The following FYB1 variants were observed in gnomAD, a reference collection of about 807,000 sequenced individuals.
The protein encoded by FYB1 is FYN-binding protein 1.
A neutral mutation model predicts 94.1 loss-of-function variants in FYB1; 41 were observed. The observed-to-expected ratio is 0.44, with a 90% CI of 0.34 to 0.57. The LOEUF is 0.57. Among genes scored for constraint, FYB1 ranks in the 20% least tolerant of loss-of-function variants. The pLI is 0.02. For missense variants in FYB1, 1,050 were observed against 976.8 expected (o/e 1.07, Z -1.00); for synonymous variants, 367 against 353.2 (o/e 1.04, Z -0.44).
chr5:39,211,421 C>T (rs1020808088), intron 1 of FYB1, among the ~76,000 whole-genome samples: 2 of 151,704 alleles, frequency 1.3e-5, no homozygotes, highest in Admixed American at 6.6e-5. Flanking sequence ...CCCAGGTTCA[C>T]GCCATTCTCC....
chr5:39,256,080 G>GT (rs1360582879), intron 1 of FYB1, among the ~76,000 whole-genome samples: 2 of 152,162 alleles, frequency 1.3e-5, no homozygotes, highest in African/African-American at 4.8e-5. Flanking sequence ...TATGGGGGCA[G>GT]TATTTATAGC....
intron 1 of FYB1, among the ~76,000 whole-genome samples, chr5:39,232,673 C>T (rs574615614): frequency 2.4e-4 from 36 of 151,002 alleles, no homozygotes; most frequent in South Asian, 6.3e-4. Context: ...CCCACTAACT[C>T]GTCATCTAGC....
At chr5:39,153,410 A>G (rs1470303552) in intron 3 of FYB1, 38 bp downstream of exon 3, 2 of 1,605,882 alleles carry the variant, frequency 1.2e-6, no homozygotes, top group Non-Finnish European at 1.7e-6. Context: ...CTACGGCAAG[A>G]GACTAGGAAA....
At chr5:39,170,310 A>G in intron 2 of FYB1, 1 of 1,392,252 alleles carries the variant, frequency 7.2e-7, no homozygotes, top group South Asian at 1.4e-5. Context: ...CTGTCTTTCC[A>G]GCAAGATCAA....
intron 3 of FYB1, among the ~76,000 whole-genome samples, chr5:39,141,985 A>G (rs1742229805): frequency 6.6e-6 from 1 of 152,088 alleles, no homozygotes; most frequent in South Asian, 2.1e-4. Flanking sequence ...GCTTCATTCC[A>G]ATGGCTTCAC....
At chr5:39,148,390 T>G (rs1005451012) in intron 3 of FYB1, among the ~76,000 whole-genome samples, 1 of 88,490 alleles carries the variant, frequency 1.1e-5, no homozygotes, top group Admixed American at 1.1e-4. Flanking sequence ...GGTTTTTTTT[T>G]TTTTTTTTTT....
intron 1 of FYB1, among the ~76,000 whole-genome samples, chr5:39,247,479 T>C (rs1751530825): frequency 6.6e-6 from 1 of 152,086 alleles, no homozygotes; most frequent in African/African-American, 2.4e-5. Context: ...ATAAGAAGAA[T>C]AAAAATTCAT....
chr5:39,129,690 C>A, intron 10 of FYB1, among the ~76,000 whole-genome samples: 1 of 151,678 alleles, frequency 6.6e-6, no homozygotes, highest in Non-Finnish European at 1.5e-5. Flanking sequence ...TACAAATGGC[C>A]AACAGGCATA....
chr5:39,140,485 A>G (rs1379929051), intron 4 of FYB1, among the ~76,000 whole-genome samples: 1 of 152,232 alleles, frequency 6.6e-6, no homozygotes. Context: ...GATTGATGAG[A>G]GTGTAGATAG....
intron 2 of FYB1, among the ~76,000 whole-genome samples, chr5:39,175,575 G>A (rs997115066): frequency 3.3e-5 from 5 of 152,178 alleles, no homozygotes; most frequent in Admixed American, 3.3e-4. Context: ...TTTAATAATA[G>A]GCTCAACAAT....
intron 1 of FYB1, among the ~76,000 whole-genome samples, chr5:39,209,919 C>T (rs1364968713): frequency 6.6e-6 from 1 of 152,224 alleles, no homozygotes; most frequent in East Asian, 1.9e-4. Context: ...TAAGCACTTG[C>T]CAATTGAATA....
intron 1 of FYB1, among the ~76,000 whole-genome samples, chr5:39,217,288 A>C (rs1749940329): frequency 6.6e-6 from 1 of 152,338 alleles, no homozygotes; most frequent in East Asian, 1.9e-4. Context: ...GAAAGGAAAA[A>C]ATCCTTAAAC....
chr5:39,263,768 C>T (rs537578262), intron 1 of FYB1, among the ~76,000 whole-genome samples: 2 of 152,278 alleles, frequency 1.3e-5, no homozygotes, highest in Non-Finnish European at 2.9e-5. Context: ...TGGGGCCACA[C>T]TTTTGAGGGA....
At chr5:39,197,831 G>T (rs947537960) in intron 2 of FYB1, among the ~76,000 whole-genome samples, 2 of 152,212 alleles carry the variant, frequency 1.3e-5, no homozygotes, top group African/African-American at 4.8e-5. Flanking sequence ...CTGTAGGGAA[G>T]GAGGCATCTG....
rs1362572237 is a variant in FYB1, at chr5:39,107,081, A to T, written c.*362T>A. On this transcript the variant is annotated 3_prime_UTR_variant, in exon 19 of 19. Transcript: ENST00000512982. ...ATTATTCTTCCTTAGGTTTTTTTAG[A>T]CAGGTCATTTCTTCCTGAATGATTT... 6.3e-6 allele frequency: 1 copy of T among 158,302 alleles called. No individual in the cohort carries two copies. Among genetic ancestry groups the T allele is most frequent in the Non-Finnish European group, 1.4e-5 (1 of 72,258 alleles). 9.8% of individuals were successfully genotyped at this position (158,302 alleles called of 1,614,324 possible). A position where few individuals can be genotyped will look rare whatever the true frequency, so the allele number is the denominator to read the frequency against.
At position 39,167,271 on chromosome 5, in the gene FYB1, G is replaced by GTCTC. The variant is rs144826320; in HGVS notation, c.1136-13671_1136-13668dup. Among the ~76,000 whole-genome samples, 324 of 150,820 alleles carry GTCTC rather than the reference G, an allele frequency of 2.1e-3. 1 individual carries two copies. In the Middle Eastern group the frequency reaches 0.024, roughly 11 times the overall value. The stretch of plus-strand genomic sequence containing the variant: ...CTTGGGTAGTTCTCTCTCTCTCTCT[G>GTCTC]TCTCTCTCTCTCTCTCCCTTGTTTT... On this transcript the variant is annotated intron_variant, in intron 2 of 18. Transcript: ENST00000512982.
rs371935897 is a variant in FYB1 at position 39,202,835 on chromosome 5, T to G, written c.126A>C (p.Gln42His). The G allele has an allele frequency of 1.1e-5, 18 of 1,613,870 alleles. No homozygotes were observed. The Admixed American group carries it at 1.5e-4, about 13-fold the overall frequency. Residue 42 changes from glutamine to histidine, a missense_variant, in exon 2 of 19, where the codon CAA becomes CAC. Coordinates refer to ENST00000512982, the MANE Select transcript of FYB1 (RefSeq NM_001465.6). Reference sequence around the variant, plus strand: ...GTCCTGCAGGAGGGCTGGCATTTCCTTGGTTGTTGAATAAGTTCTTTCTTG... The same window carrying G: ...GTCCTGCAGGAGGGCTGGCATTTCCGTGGTTGTTGAATAAGTTCTTTCTTG... ...IQARKNLFNNQGNASPPAGPS... is the reference protein window; with the variant it reads ...IQARKNLFNNHGNASPPAGPS...
intron 16 of FYB1, among the ~76,000 whole-genome samples, chr5:39,111,347 T>C (rs1298571128): frequency 1.3e-5 from 2 of 151,990 alleles, no homozygotes; most frequent in Non-Finnish European, 2.9e-5. Context: ...TTTGGTCCAC[T>C]TTAGATCTAA....
intron 16 of FYB1, among the ~76,000 whole-genome samples, chr5:39,114,068 AT>A (rs1430045737): frequency 1.3e-5 from 2 of 152,162 alleles, no homozygotes; most frequent in Non-Finnish European, 2.9e-5. Flanking sequence ...TTAAAAAAAA[AT>A]GATCAATTGG....
Sources: allele counts gnomAD v4.1 joint callset (sites outside exome capture counted in the v4.1 genomes callset), GRCh38; gene constraint gnomAD v4.1.1; transcripts MANE v1.5; gene names NCBI Gene and HGNC (gene_info 2026-07-23, HGNC 2026-07-21).